The following CACNA2D4 variants were observed in gnomAD, a reference collection of about 807,000 sequenced individuals.
CACNA2D4 encodes calcium voltage-gated channel auxiliary subunit alpha2delta 4, also known as voltage-dependent calcium channel subunit alpha-2/delta-4.
In CACNA2D4, 157 loss-of-function variants were observed where a neutral mutation model predicts 163.8. The ratio of observed to expected loss-of-function variants is 0.96; its 90% confidence interval spans 0.84 to 1.09. CACNA2D4 has a LOEUF of 1.09. CACNA2D4 is among the 50% of genes least tolerant of loss of function. The probability of loss-of-function intolerance (pLI) is 0.00; values close to 1 mark genes in which losing one functional copy is unlikely to be tolerated. For synonymous variants in CACNA2D4, 598 were observed against 586.9 expected, an observed-to-expected ratio of 1.02 and a Z score of -0.27; for missense variants, 1,410 against 1,479.9, an observed-to-expected ratio of 0.95 and a Z score of 0.78.
chr12:1,892,905 T>G (rs1866320957), intron 6 of CACNA2D4, among the ~76,000 whole-genome samples: 1 of 152,198 alleles, frequency 6.6e-6, no homozygotes, highest in Admixed American at 6.5e-5. Context: ...AAGGAGGTCA[T>G]TATATAATGA....
intron 34 of CACNA2D4, 153 bp from the exon 35 acceptor site, chr12:1,797,688 G>A (rs780944312): frequency 4.4e-6 from 3 of 680,234 alleles, no homozygotes; most frequent in African/African-American, 1.8e-5. Context: ...GGAGCCGGGC[G>A]GGGGGTGAGG....
At chr12:1,901,973 C>T (rs1866548314) in intron 6 of CACNA2D4, among the ~76,000 whole-genome samples, 1 of 151,930 alleles carries the variant, frequency 6.6e-6, no homozygotes, top group Non-Finnish European at 1.5e-5. Context: ...TCAATAAAAA[C>T]ACTAGCAAAC....
intron 26 of CACNA2D4, among the ~76,000 whole-genome samples, chr12:1,815,590 C>G (rs1336758728): frequency 6.6e-6 from 1 of 151,250 alleles, no homozygotes; most frequent in East Asian, 1.9e-4. Context: ...TTTTGATCCC[C>G]AGCACCTAGA....
chr12:1,850,980 T>C (rs918488982), intron 23 of CACNA2D4, among the ~76,000 whole-genome samples: 9 of 152,128 alleles, frequency 5.9e-5, no homozygotes, highest in Non-Finnish European at 1.0e-4. Context: ...CCTCCTGGGC[T>C]CAAGTGATCC....
At chr12:1,796,594 C>T (rs1863134720) in intron 35 of CACNA2D4, among the ~76,000 whole-genome samples, 1 of 152,234 alleles carries the variant, frequency 6.6e-6, no homozygotes, top group African/African-American at 2.4e-5. Flanking sequence ...GAACGCTAAC[C>T]CCAGCCCTCA....
intron 26 of CACNA2D4, among the ~76,000 whole-genome samples, chr12:1,838,277 G>A (rs536750253): frequency 1.4e-4 from 22 of 152,264 alleles, no homozygotes; most frequent in African/African-American, 4.3e-4. Context: ...CACTGCCCCC[G>A]TGGCTGGGCT....
At position 1,897,047 on chromosome 12, in the gene CACNA2D4, T is replaced by C. The variant is rs187429802; in HGVS notation, c.782-9978A>G. On this transcript the variant is annotated intron_variant, in intron 6 of 37. Transcript: ENST00000382722. ...AAGCCAGGCATAGAAAAACAAACAC[T>C]GGGCCGGGAGCGGTGGCTCTTGCTT... Among the ~76,000 whole-genome samples, 59 of 141,976 alleles carry C rather than the reference T, an allele frequency of 4.2e-4. No homozygotes were observed. In the East Asian group the frequency reaches 8.6e-3, roughly 21 times the overall value. The allele number at this position is 141,976 out of a possible 152,430, so 93.1% of individuals were successfully genotyped here.
At position 1,797,405 on chromosome 12, in the gene CACNA2D4, C is replaced by T. The variant is rs760445628; in HGVS notation, c.3113+13G>A. On this transcript the variant is annotated intron_variant, in intron 35 of 37. Transcript: ENST00000382722. Reference sequence around the variant, plus strand: ...AGTGTGGCGGGACGGGCGGCGCCGCCCTGCGGTCTTACTTCTGGCAGGGCC... The same window carrying T: ...AGTGTGGCGGGACGGGCGGCGCCGCTCTGCGGTCTTACTTCTGGCAGGGCC... 1 of 1,521,028 alleles carries T rather than the reference C, an allele frequency of 6.6e-7. No individual in the cohort carries two copies. The highest frequency in any genetic ancestry group is 8.8e-7 in the Non-Finnish European group (1 of 1,132,636). 94.2% of individuals were successfully genotyped at this position (1,521,028 alleles called of 1,614,324 possible). A position where few individuals can be genotyped will look rare whatever the true frequency, so the allele number is the denominator to read the frequency against.
intron 18 of CACNA2D4, among the ~76,000 whole-genome samples, chr12:1,863,988 A>T (rs1416034858): frequency 1.3e-5 from 2 of 152,198 alleles, no homozygotes; most frequent in African/African-American, 4.8e-5. Context: ...AGGACATGCC[A>T]CCAGGTGCCT....
rs1863208761 is a variant in CACNA2D4, at chr12:1,798,678, G to A, written c.2995+997C>T. On this transcript the variant is annotated intron_variant, in intron 34 of 37. Transcript: ENST00000382722. The surrounding 1 kb of genome is among the most constrained non-coding windows in gnomAD (Gnocchi z 4.3). ...CTTCACTGGGGACACTGACATCTGT[G>A]TAGGCCAGACCAGGGGGAGGAGCTC... Among the ~76,000 whole-genome samples the A allele has an allele frequency of 1.3e-5, 2 of 152,204 alleles. No individual in the cohort carries two copies.
rs1371181122 is a variant in CACNA2D4 at position 1,883,199 on chromosome 12, A to C, written c.1352-199T>G. Among the ~76,000 whole-genome samples the C allele has an allele frequency of 6.6e-6, 1 of 152,062 alleles. No homozygotes were observed. The highest frequency in any genetic ancestry group is 2.4e-5 in the African/African-American group (1 of 41,396). On this transcript the variant is annotated intron_variant, in intron 12 of 37. Coordinates refer to ENST00000382722, the MANE Select transcript of CACNA2D4 (RefSeq NM_172364.5). This position sits in a 1 kb window ranked among gnomAD's most constrained non-coding sequence, Gnocchi z 4.5. The stretch of plus-strand genomic sequence containing the variant: ...GCAGGCCAGTGGGAGGCCAAGGCTC[A>C]CTCTGCTGCACCCTGGAAGATCTCT...
At chr12:1,913,859 A>C (rs1866894403) in intron 2 of CACNA2D4, among the ~76,000 whole-genome samples, 1 of 152,224 alleles carries the variant, frequency 6.6e-6, no homozygotes, top group South Asian at 2.1e-4. Flanking sequence ...AAGATGTGAC[A>C]TTTACATAGC....
intron 26 of CACNA2D4, chr12:1,831,083 CCT>C: frequency 6.2e-7 from 1 of 1,614,040 alleles, no homozygotes; most frequent in Non-Finnish European, 8.5e-7. Flanking sequence ...CCACCCGAAC[CCT>C]CTTGCTCTTG....
At chr12:1,851,933 A>G (rs1865292680) in intron 23 of CACNA2D4, among the ~76,000 whole-genome samples, 1 of 151,956 alleles carries the variant, frequency 6.6e-6, no homozygotes, top group Non-Finnish European at 1.5e-5. Flanking sequence ...GTTTTTGAAC[A>G]GTTCTTATAG....
At chr12:1,880,340 ACACAAGCACAC>A (rs1865967942) in intron 13 of CACNA2D4, among the ~76,000 whole-genome samples, 1 of 152,218 alleles carries the variant, frequency 6.6e-6, no homozygotes, top group Admixed American at 6.5e-5. Context: ...CTACCCAGAA[ACACAAGCACAC>A]CCCGAGGCAC....
intron 26 of CACNA2D4, among the ~76,000 whole-genome samples, chr12:1,814,276 G>C (rs1437967865): frequency 6.6e-6 from 1 of 152,144 alleles, no homozygotes; most frequent in African/African-American, 2.4e-5. Context: ...TGTAGGTGTT[G>C]AGGCTCCTTG....
intron 24 of CACNA2D4, among the ~76,000 whole-genome samples, chr12:1,845,736 T>C (rs914542898): frequency 5.3e-5 from 8 of 152,180 alleles, no homozygotes; most frequent in African/African-American, 1.7e-4. Context: ...GGCCAGCCCC[T>C]GATTCCCCCA....
rs752961074 is a variant in CACNA2D4 at position 1,797,479 on chromosome 12, A to ATGT, written c.3051_3052insACA (p.Val1017_Phe1018insThr). The ATGT allele has an allele frequency of 1.1e-5, 17 of 1,586,424 alleles. No individual in the cohort carries two copies. The highest frequency in any genetic ancestry group is 1.2e-5 in the Non-Finnish European group (14 of 1,168,758). On this transcript the variant is annotated inframe_insertion, in exon 35 of 38. Transcript: ENST00000382722. The stretch of plus-strand genomic sequence containing the variant: ...TCCCGGATGGCCGGCTGGTACACGA[A>ATGT]CACGGGGTACTCCGTGTCGCAGGGC...
At chr12:1,800,202 G>A in intron 32 of CACNA2D4, 150 bp from the exon 33 acceptor site, 1 of 954,604 alleles carries the variant, frequency 1.0e-6, no homozygotes, top group South Asian at 1.5e-5. Flanking sequence ...GAGCAATGAG[G>A]TCCCTCCCAG....
Sources: gnomAD v4.1 joint callset for allele counts (sites outside exome capture counted in the v4.1 genomes callset) on GRCh38, gnomAD v4.1.1 for gene constraint, Gnocchi (gnomAD v3.1) non-coding constraint, MANE v1.5 for transcripts, NCBI Gene and HGNC (gene_info 2026-07-23, HGNC 2026-07-21) for gene names.